The following EBF1 variants were observed in gnomAD, a reference collection of about 807,000 sequenced individuals.
The protein encoded by EBF1 is EBF transcription factor 1.
A neutral mutation model predicts 68.4 loss-of-function variants in EBF1; 10 were observed. The observed-to-expected ratio is 0.15, with a 90% CI of 0.09 to 0.25. EBF1 has a LOEUF of 0.25. Among genes scored for constraint, EBF1 ranks in the 10% least tolerant of loss-of-function variants. The pLI is 1.00. For synonymous variants in EBF1, 298 were observed against 299.8 expected, an observed-to-expected ratio of 0.99 and a Z score of 0.06; for missense variants, 509 against 794.4, an observed-to-expected ratio of 0.64 and a Z score of 4.32.
intron 6 of EBF1, among the ~76,000 whole-genome samples, chr5:158,883,333 CACACATACATGCATGTATATATATATAT>C (rs1191674550): frequency 1.5e-5 from 2 of 137,740 alleles, no homozygotes; most frequent in East Asian, 4.0e-4. Flanking sequence ...TATATATACA[CACACATACATGCATGTATATATATATAT>C]ACACATACAT....
chr5:158,760,982 A>C (rs1771313488), intron 10 of EBF1, among the ~76,000 whole-genome samples: 1 of 152,190 alleles, frequency 6.6e-6, no homozygotes, highest in Non-Finnish European at 1.5e-5. Context: ...CCTTGTTTAA[A>C]GCACGTCATA....
chr5:158,753,980 A>C (rs1407121725), intron 10 of EBF1, among the ~76,000 whole-genome samples: 1 of 151,736 alleles, frequency 6.6e-6, no homozygotes, highest in African/African-American at 2.4e-5. Flanking sequence ...AGTATTTGCT[A>C]ATTTTTTTTC....
At chr5:158,856,135 G>A (rs1377832552) in intron 6 of EBF1, among the ~76,000 whole-genome samples, 1 of 152,164 alleles carries the variant, frequency 6.6e-6, no homozygotes, top group Non-Finnish European at 1.5e-5. Context: ...CCCTGTCTCT[G>A]GGGTTCTTCT....
At chr5:159,084,799 AATCAC>A in intron 4 of EBF1, 60 bp from the exon 5 acceptor site, 1 of 1,459,094 alleles carries the variant, frequency 6.9e-7, no homozygotes, top group East Asian at 2.4e-5. Flanking sequence ...AAAAAAAAAA[AATCAC>A]AATTGAGTTC....
intron 6 of EBF1, among the ~76,000 whole-genome samples, chr5:158,913,361 G>A (rs1013867743): frequency 2.6e-5 from 4 of 152,204 alleles, no homozygotes; most frequent in Admixed American, 6.5e-5. Flanking sequence ...GCTGAACTAA[G>A]TGGAGGAAAA....
chr5:158,990,426 A>T (rs1246622089), intron 6 of EBF1, among the ~76,000 whole-genome samples: 2 of 152,192 alleles, frequency 1.3e-5, no homozygotes, highest in Non-Finnish European at 2.9e-5. Context: ...GACTATTTTA[A>T]GCAGAAAGTC....
At chr5:159,036,245 A>T (rs969957521) in intron 6 of EBF1, among the ~76,000 whole-genome samples, 1 of 152,156 alleles carries the variant, frequency 6.6e-6, no homozygotes, top group Non-Finnish European at 1.5e-5. Context: ...TCATTTACAG[A>T]TTCAATGCCA....
chr5:159,058,614 T>C (rs1162661770), intron 6 of EBF1, among the ~76,000 whole-genome samples: 7 of 152,200 alleles, frequency 4.6e-5, no homozygotes, highest in Non-Finnish European at 1.0e-4. Flanking sequence ...CCAATAGACC[T>C]GAGATCTTTC....
intron 9 of EBF1, among the ~76,000 whole-genome samples, chr5:158,791,589 T>TA (rs2127729633): frequency 6.6e-6 from 1 of 152,038 alleles, no homozygotes; most frequent in African/African-American, 2.4e-5. Context: ...CTTTTTTTTT[T>TA]AATTGACAGC....
intron 6 of EBF1, among the ~76,000 whole-genome samples, chr5:159,033,067 A>G (rs1480847768): frequency 6.6e-6 from 1 of 152,170 alleles, no homozygotes; most frequent in African/African-American, 2.4e-5. Flanking sequence ...AAAATTTCCA[A>G]AATGATAATC....
intron 5 of EBF1, among the ~76,000 whole-genome samples, chr5:159,080,784 A>G (rs1419542528): frequency 6.6e-6 from 1 of 152,248 alleles, no homozygotes; most frequent in Non-Finnish European, 1.5e-5. Context: ...TTTCAGAAAT[A>G]CGAAAACTGA....
At chr5:158,792,297 A>G (rs1470047511) in intron 9 of EBF1, among the ~76,000 whole-genome samples, 3 of 152,232 alleles carry the variant, frequency 2.0e-5, no homozygotes, top group Non-Finnish European at 4.4e-5. Context: ...TCAAATTCAC[A>G]AGAACGCCAT....
intron 5 of EBF1, among the ~76,000 whole-genome samples, chr5:159,074,522 A>G (rs571795382): frequency 2.2e-4 from 33 of 152,342 alleles, no homozygotes; most frequent in South Asian, 4.1e-4. Flanking sequence ...ATACACACAT[A>G]CGCGCACACT....
chr5:158,840,950 C>T (rs4546365), intron 6 of EBF1, among the ~76,000 whole-genome samples: 52,372 of 151,672 alleles, frequency 0.35, 9,494 homozygotes, highest in South Asian at 0.58. Flanking sequence ...GGATTACAGG[C>T]GTGAGCCACC....
At chr5:158,925,774 G>A (rs192722485) in intron 6 of EBF1, among the ~76,000 whole-genome samples, 329 of 152,338 alleles carry the variant, frequency 2.2e-3, no homozygotes, top group Middle Eastern at 0.014. Context: ...TTATTTGGTA[G>A]GAGTGTGGTG....
At chr5:158,700,563 C>T (rs1438142734) in intron 15 of EBF1, among the ~76,000 whole-genome samples, 2 of 151,416 alleles carry the variant, frequency 1.3e-5, no homozygotes, top group Non-Finnish European at 2.9e-5. Flanking sequence ...CAAGTGGACA[C>T]AGGGAGGCCA....
chr5:159,067,099 G>A (rs963700670), intron 6 of EBF1, among the ~76,000 whole-genome samples: 5 of 152,154 alleles, frequency 3.3e-5, no homozygotes, highest in Non-Finnish European at 5.9e-5. Flanking sequence ...GCAGGAGAGG[G>A]AAATGAGGAA....
chr5:158,802,657 GA>G (rs1780821840), intron 8 of EBF1, among the ~76,000 whole-genome samples: 1 of 152,130 alleles, frequency 6.6e-6, no homozygotes, highest in South Asian at 2.1e-4. Flanking sequence ...GACTGTATTT[GA>G]AAATGGGCAA....
intron 5 of EBF1, among the ~76,000 whole-genome samples, chr5:159,082,975 T>A (rs1236707514): frequency 6.6e-6 from 1 of 152,190 alleles, no homozygotes; most frequent in African/African-American, 2.4e-5. Flanking sequence ...ACTGCATTAA[T>A]AGAGGGTAGG....
Sources: gnomAD v4.1 joint callset for allele counts (sites outside exome capture counted in the v4.1 genomes callset) on GRCh38, gnomAD v4.1.1 for gene constraint, MANE v1.5 for transcripts, NCBI Gene and HGNC (gene_info 2026-07-23, HGNC 2026-07-21) for gene names.